ASCC3: variants seen among roughly 807,000 people sequenced by gnomAD.
ASCC3 encodes the protein ASC-1 complex subunit P200.
A neutral mutation model predicts 256.3 loss-of-function variants in ASCC3; 158 were observed. That is an observed-to-expected ratio of 0.62 (90% CI 0.54 to 0.70). The LOEUF is 0.70. Among genes scored for constraint, ASCC3 ranks in the 30% least tolerant of loss-of-function variants. ASCC3 has a pLI of 0.00. For missense variants in ASCC3, 2,259 were observed against 2,626.0 expected, an observed-to-expected ratio of 0.86 and a Z score of 3.05; for synonymous variants, 948 against 883.4, an observed-to-expected ratio of 1.07 and a Z score of -1.30.
chr6:100,845,847 A>C (rs1435848311), intron 4 of ASCC3, among the ~76,000 whole-genome samples: 2 of 152,204 alleles, frequency 1.3e-5, no homozygotes, highest in East Asian at 1.9e-4. Flanking sequence ...ATTAGTCATT[A>C]TGTCAATTAA....
chr6:100,620,570 C>T (rs1435928198), intron 30 of ASCC3, among the ~76,000 whole-genome samples: 1 of 152,058 alleles, frequency 6.6e-6, no homozygotes, highest in Non-Finnish European at 1.5e-5. Context: ...TCTCCATGCC[C>T]CCAGCCCAAA....
chr6:100,634,675 A>G (rs1176438209), intron 25 of ASCC3, among the ~76,000 whole-genome samples: 1 of 152,100 alleles, frequency 6.6e-6, no homozygotes, highest in Non-Finnish European at 1.5e-5. Flanking sequence ...GGAAATGCAA[A>G]TTAAAATCAC....
At chr6:100,869,562 G>C (rs9485419) in intron 1 of ASCC3, among the ~76,000 whole-genome samples, 5,579 of 152,118 alleles carry the variant, frequency 0.037, 192 homozygotes, top group African/African-American at 0.086. Flanking sequence ...GATGGGTTAA[G>C]CAACAGCTAA....
intron 1 of ASCC3, among the ~76,000 whole-genome samples, chr6:100,878,368 G>A (rs1366764734): frequency 6.6e-6 from 1 of 152,002 alleles, no homozygotes; most frequent in Non-Finnish European, 1.5e-5. Context: ...TAACTATAAA[G>A]CAGATTAGTC....
intron 30 of ASCC3, among the ~76,000 whole-genome samples, chr6:100,609,661 T>C (rs1445264667): frequency 1.3e-5 from 2 of 152,152 alleles, no homozygotes; most frequent in Non-Finnish European, 2.9e-5. Flanking sequence ...CCCAGCACTT[T>C]GGGAGGCCAA....
intron 36 of ASCC3, among the ~76,000 whole-genome samples, chr6:100,585,323 A>AT (rs1277730397): frequency 6.6e-6 from 1 of 151,924 alleles, no homozygotes; most frequent in Non-Finnish European, 1.5e-5. Context: ...GCTTCATTTC[A>AT]TTAATTTCAT....
chr6:100,509,842 C>A (rs893769221), intron 41 of ASCC3, 90 bp downstream of exon 41: 13 of 1,292,132 alleles, frequency 1.0e-5, no homozygotes, highest in Non-Finnish European at 1.4e-5. Context: ...GAGCAGAGAT[C>A]GCGCCACTGC....
intron 36 of ASCC3, among the ~76,000 whole-genome samples, chr6:100,586,577 T>C (rs1172491440): frequency 2.0e-5 from 3 of 152,100 alleles, no homozygotes; most frequent in African/African-American, 7.2e-5. Flanking sequence ...TCACGCACGG[T>C]GTGCTGCACC....
chr6:100,689,216 T>C (rs942224815), intron 13 of ASCC3, among the ~76,000 whole-genome samples: 2 of 152,164 alleles, frequency 1.3e-5, no homozygotes, highest in Non-Finnish European at 2.9e-5. Flanking sequence ...TAAGCTTACA[T>C]AGCTCACCCC....
At chr6:100,517,927 A>T in intron 38 of ASCC3, 64 bp downstream of exon 38, 1 of 1,539,320 alleles carries the variant, frequency 6.5e-7, no homozygotes, top group South Asian at 1.1e-5. Context: ...CAGTGACTAC[A>T]TATATAAAAA....
chr6:100,687,032 TCTCACA>T (rs1418338984), intron 13 of ASCC3, among the ~76,000 whole-genome samples: 24 of 132,162 alleles, frequency 1.8e-4, no homozygotes, highest in African/African-American at 6.1e-4. Context: ...TCTCTCTCTC[TCTCACA>T]CACACACACA....
chr6:100,706,432 G>A (rs1028125393), intron 13 of ASCC3, among the ~76,000 whole-genome samples: 1 of 150,974 alleles, frequency 6.6e-6, no homozygotes, highest in African/African-American at 2.4e-5. Flanking sequence ...CTTAGTTAAG[G>A]TCAAAGAAAA....
chr6:100,869,891 G>C (rs953229969), intron 1 of ASCC3, among the ~76,000 whole-genome samples: 12 of 151,872 alleles, frequency 7.9e-5, no homozygotes, highest in African/African-American at 2.9e-4. Context: ...CAAAACAAAA[G>C]GTATTAGGAA....
At chr6:100,638,171 C>T (rs751763719) in intron 25 of ASCC3, among the ~76,000 whole-genome samples, 1 of 152,162 alleles carries the variant, frequency 6.6e-6, no homozygotes, top group Non-Finnish European at 1.5e-5. Context: ...CAACCATGAT[C>T]AGTCAGCAGC....
chr6:100,548,873 G>A (rs1769143374), intron 36 of ASCC3, among the ~76,000 whole-genome samples: 1 of 151,806 alleles, frequency 6.6e-6, no homozygotes, highest in African/African-American at 2.4e-5. Context: ...ATAGTAACAA[G>A]CCTTATATAT....
chr6:100,779,206 G>C (rs1782333656), intron 8 of ASCC3, among the ~76,000 whole-genome samples: 1 of 151,902 alleles, frequency 6.6e-6, no homozygotes, highest in South Asian at 2.1e-4. Context: ...AGGAGAATAT[G>C]AAGCAACATG....
chr6:100,854,538 G>GA (rs540889402), intron 3 of ASCC3, among the ~76,000 whole-genome samples: 132 of 152,134 alleles, frequency 8.7e-4, no homozygotes, highest in Admixed American at 2.4e-3. Flanking sequence ...ATATTTGTTA[G>GA]AAAAAAATAG....
intron 36 of ASCC3, among the ~76,000 whole-genome samples, chr6:100,572,439 G>C (rs560754497): frequency 5.9e-5 from 9 of 152,204 alleles, no homozygotes; most frequent in African/African-American, 2.2e-4. Context: ...GTTTGTAGCA[G>C]CCTGAATGCA....
intron 14 of ASCC3, among the ~76,000 whole-genome samples, chr6:100,677,523 C>T (rs76931197): frequency 0.015 from 2,346 of 152,068 alleles, 23 homozygotes; most frequent in East Asian, 0.045. Flanking sequence ...TCTCAGTTTT[C>T]GTTTCCTTAT....
Sources: allele counts gnomAD v4.1 joint callset (sites outside exome capture counted in the v4.1 genomes callset), GRCh38; gene constraint gnomAD v4.1.1; transcripts MANE v1.5; gene names NCBI Gene and HGNC (gene_info 2026-07-23, HGNC 2026-07-21).